Variants in PZP observed in about 807,000 individuals in gnomAD.
The protein encoded by PZP is PZP alpha-2-macroglobulin like.
Under a neutral mutation model 179.8 loss-of-function variants are expected in PZP, and 150 were observed. That is an observed-to-expected ratio of 0.83 (90% CI 0.73 to 0.96). The LOEUF is 0.96. Among genes scored for constraint, PZP ranks in the 40% least tolerant of loss-of-function variants. The pLI, the probability that PZP is intolerant of heterozygous loss-of-function variation, is 0.00. For missense variants in PZP, 1,689 were observed against 1,764.0 expected, an observed-to-expected ratio of 0.96 and a Z score of 0.76; for synonymous variants, 624 against 652.3, an observed-to-expected ratio of 0.96 and a Z score of 0.66.
At chr12:9,178,081 A>C (rs149300559) in intron 15 of PZP, among the ~76,000 whole-genome samples, 115 of 152,354 alleles carry the variant, frequency 7.5e-4, no homozygotes, top group African/African-American at 2.7e-3. Context: ...CTGTTAATAA[A>C]ATACAAATCA....
chr12:9,168,792 A>C, intron 17 of PZP, 77 bp downstream of exon 17: 1 of 1,098,718 alleles, frequency 9.1e-7, no homozygotes, highest in Non-Finnish European at 1.4e-6. Context: ...ATAGGGCTAC[A>C]TTACCTCATT....
chr12:9,150,980 C>T, intron 33 of PZP, among the ~76,000 whole-genome samples: 1 of 152,016 alleles, frequency 6.6e-6, no homozygotes, highest in Non-Finnish European at 1.5e-5. Context: ...TTTTGTAGTC[C>T]CTTGTTATGA....
intron 32 of PZP, 82 bp from the exon 33 acceptor site, chr12:9,151,754 G>A (rs1940374078): frequency 9.2e-7 from 1 of 1,081,222 alleles, no homozygotes. Flanking sequence ...TTGTAATAAG[G>A]GACAAATGGT....
At chr12:9,163,954 T>A (rs1941401202) in intron 20 of PZP, among the ~76,000 whole-genome samples, 165 bp from the exon 21 acceptor site, 1 of 152,190 alleles carries the variant, frequency 6.6e-6, no homozygotes, top group South Asian at 2.1e-4. Context: ...AGATAGTGAT[T>A]CTGGGGACTA....
chr12:9,208,173 G>T (rs1944535541), intron 1 of PZP, 86 bp downstream of exon 1: 7 of 931,308 alleles, frequency 7.5e-6, no homozygotes, highest in Non-Finnish European at 1.2e-5. Context: ...GAGTGGAAAG[G>T]TGGCATTTAC....
chr12:9,161,098 T>G lies in PZP; in HGVS notation c.2807A>C (p.Gln936Pro). The stretch of plus-strand genomic sequence containing the variant: ...ATTTGATGGGAGCTTCAAGGACAAC[T>G]GCTCAGACACATTAGCACCTTTAGA... Reference protein sequence around the residue: ...TCASGANVSEQLSLKLPSNVV... With the variant: ...TCASGANVSEPLSLKLPSNVV... Residue 936 changes from glutamine to proline, a missense_variant, in exon 23 of 36, where the codon CAG becomes CCG. By Grantham distance (76) the Gln-to-Pro change is moderately conservative (BLOSUM62 -1). This residue lies in a region of PZP where 746 missense variants were observed against 749.2 expected (regional missense o/e 1.00). Coordinates refer to ENST00000261336, the MANE Select transcript of PZP (RefSeq NM_002864.3). 1 of 1,593,682 alleles carries G rather than the reference T, an allele frequency of 6.3e-7. No individual in the cohort carries two copies. Among genetic ancestry groups the G allele is most frequent in the Non-Finnish European group, 8.6e-7 (1 of 1,162,968 alleles).
At position 9,166,327 on chromosome 12, in the gene PZP, G is replaced by C. The variant is rs972103836; in HGVS notation, c.2108-125C>G. The C allele has an allele frequency of 4.6e-6, 4 of 871,134 alleles. No individual in the cohort carries two copies. The African/African-American group carries it at 6.9e-5, about 15-fold the overall frequency. The allele number at this position is 871,134 out of a possible 1,614,324, so 54.0% of individuals were successfully genotyped here. On this transcript the variant is annotated intron_variant, in intron 17 of 35. Transcript: ENST00000261336. ...AGACTGTCCTAAAAGTCTTGTAGAA[G>C]TTGTAGAACTTGGGAAATACTTTGT...
At chr12:9,174,166 G>A (rs1370557757) in intron 15 of PZP, among the ~76,000 whole-genome samples, 2 of 152,166 alleles carry the variant, frequency 1.3e-5, no homozygotes, top group Admixed American at 1.3e-4. Flanking sequence ...TGCAAGCTTG[G>A]CTCAACATAC....
At chr12:9,162,765 CT>C (rs749145410) in intron 21 of PZP, 117 bp from the exon 22 acceptor site, 3 of 839,564 alleles carry the variant, frequency 3.6e-6, no homozygotes, top group East Asian at 2.5e-5. Context: ...CCATCCTACT[CT>C]TTTTTTCCCA....
downstream of PZP, among the ~76,000 whole-genome samples, chr12:9,147,669 G>T (rs1025137635): frequency 1.3e-5 from 2 of 152,120 alleles, no homozygotes; most frequent in Non-Finnish European, 2.9e-5. Context: ...TCATCTTGCT[G>T]ACTTCACTTC....
Position 9,200,393 on chromosome 12 carries a change from A to C in PZP, c.726T>G (p.Asp242Glu). ...VQVPKIISIM[D>E]EKVNITVCGE... ...CACAGACTGTTATGTTCACTTTTTC[A>C]TCCATGATACTGATTATCTTTGGCA... Residue 242 changes from aspartate to glutamate, a missense_variant, in exon 7 of 36, where the codon GAT becomes GAG. By Grantham distance (45) the Asp-to-Glu change is conservative. Around this residue, in one of 3 missense-constraint regions of PZP, gnomAD observed 742 missense variants for 730.5 expected, o/e 1.02. Transcript: ENST00000261336. The C allele has an allele frequency of 6.2e-7, 1 of 1,610,790 alleles. No homozygotes were observed. The highest frequency in any genetic ancestry group is 8.5e-7 in the Non-Finnish European group (1 of 1,177,216).
rs774808551 is a variant in PZP at position 9,161,100 on chromosome 12, C to T, written c.2805G>A (p.Glu935=). 3.1e-6 allele frequency: 5 copies of T among 1,591,568 alleles called. No individual in the cohort carries two copies. Among genetic ancestry groups the T allele is most frequent in the Non-Finnish European group, 4.3e-6 (5 of 1,161,498 alleles). Residue 935 remains glutamate, a synonymous_variant, in exon 23 of 36, where the codon GAG becomes GAA. Transcript: ENST00000261336. ...TTGATGGGAGCTTCAAGGACAACTGCTCAGACACATTAGCACCTTTAGAAA... is the reference window on the plus strand; with the variant it reads ...TTGATGGGAGCTTCAAGGACAACTGTTCAGACACATTAGCACCTTTAGAAA... ...MTCASGANVS[E]QLSLKLPSNV...
At chr12:9,154,215 G>A (rs1001043096) in intron 29 of PZP, among the ~76,000 whole-genome samples, 32 of 152,168 alleles carry the variant, frequency 2.1e-4, no homozygotes, top group African/African-American at 5.8e-4. Context: ...TGGAAGTGAC[G>A]TGCTACTGGC....
chr12:9,159,847 G>A lies in PZP; in HGVS notation c.3137+91C>T, dbSNP rs969946873. ...TAAATTACCTAGTTTCAGGTATTCTGTTATAAGCAACAGAAAATGGACTAA... is the reference window on the plus strand; with the variant it reads ...TAAATTACCTAGTTTCAGGTATTCTATTATAAGCAACAGAAAATGGACTAA... On this transcript the variant is annotated intron_variant, in intron 25 of 35. Transcript: ENST00000261336. 74 of 1,148,206 alleles carry A rather than the reference G, an allele frequency of 6.4e-5. 1 individual carries two copies. The African/African-American group carries it at 1.1e-3, about 17-fold the overall frequency. The allele number at this position is 1,148,206 out of a possible 1,614,324, so 71.1% of individuals were successfully genotyped here.
downstream of PZP, chr12:9,148,708 C>T (rs778953414): frequency 2.5e-6 from 1 of 396,312 alleles, no homozygotes; most frequent in Non-Finnish European, 4.5e-6. Context: ...TACCTGCAAC[C>T]TCCACTCTGC....
chr12:9,137,569 A>G, the PZP span, among the ~76,000 whole-genome samples: 1 of 151,980 alleles, frequency 6.6e-6, no homozygotes, highest in African/African-American at 2.4e-5. Context: ...AACAATACCA[A>G]TGTGATTTTG....
rs974493738 is a variant in PZP, at chr12:9,157,211, T to C, written c.3514A>G (p.Ile1172Val). ...GCTTCCTTATCAAGTGAGTTCAGTATTTCTCTATTCTGATTTTGCTTTCCC... is the reference window on the plus strand; with the variant it reads ...GCTTCCTTATCAAGTGAGTTCAGTACTTCTCTATTCTGATTTTGCTTTCCC... ...LLGKQNQNRE[I>V]LNSLDKEAVK... The change falls in exon 28 of 36, where the codon ATA (isoleucine) becomes GTA (valine). Residue 1172 changes from isoleucine to valine, a missense_variant. Ile to Val is a conservative substitution (Grantham distance 29). Around this residue, in one of 3 missense-constraint regions of PZP, gnomAD observed 746 missense variants for 749.2 expected, o/e 1.00. Transcript: ENST00000261336. The C allele has an allele frequency of 1.2e-6, 2 of 1,614,004 alleles. No individual in the cohort carries two copies. Among genetic ancestry groups the C allele is most frequent in the African/African-American group, 1.3e-5 (1 of 74,930 alleles).
intron 7 of PZP, among the ~76,000 whole-genome samples, chr12:9,199,057 A>G (rs989478382): frequency 1.3e-5 from 2 of 152,182 alleles, no homozygotes; most frequent in East Asian, 3.8e-4. Context: ...GGAACATCAT[A>G]GGTAAGGTTC....
At position 9,202,623 on chromosome 12, in the gene PZP, G is replaced by T. The variant is rs142943281; in HGVS notation, c.329C>A (p.Thr110Lys). The change falls in exon 3 of 36, where the codon ACG becomes AAG. Residue 110 changes from threonine to lysine, a missense_variant. Physicochemically the swap from Thr to Lys is moderately conservative, Grantham distance 78 (BLOSUM62 -1). Around this residue, in one of 3 missense-constraint regions of PZP, gnomAD observed 742 missense variants for 730.5 expected, o/e 1.02. Transcript: ENST00000261336. ...AFLSIQIKGP[T>K]QDFRKRNTVL... ...TGTGTTCCTCTTCCTGAAATCTTGC[G>T]TAGGCCCCTTTATCTGGATGCTAAG... is the stretch of plus-strand genomic sequence containing the variant. 6.2e-7 allele frequency: 1 copy of T among 1,614,048 alleles called. No homozygotes were observed. The highest frequency in any genetic ancestry group is 1.3e-5 in the African/African-American group (1 of 75,020).
Sources: allele counts gnomAD v4.1 joint callset (sites outside exome capture counted in the v4.1 genomes callset), GRCh38; gene constraint gnomAD v4.1.1; regional missense constraint gnomAD v4.1.1; transcripts MANE v1.5; gene names NCBI Gene and HGNC (gene_info 2026-07-23, HGNC 2026-07-21).